ARHGAP26: variants seen among roughly 807,000 people sequenced by gnomAD.
ARHGAP26 encodes rho GTPase-activating protein 26.
ARHGAP26 carries 38 observed loss-of-function variants against 104.8 expected under a neutral mutation model. That is an observed-to-expected ratio of 0.36 (90% CI 0.28 to 0.48). ARHGAP26 has a LOEUF of 0.48. Ranked by LOEUF, ARHGAP26 falls within the 20% of genes least tolerant of loss-of-function variation. ARHGAP26 has a pLI of 0.99. For synonymous variants in ARHGAP26, 341 were observed against 340.0 expected, an observed-to-expected ratio of 1.00 and a Z score of -0.03; for missense variants, 704 against 947.9, an observed-to-expected ratio of 0.74 and a Z score of 3.38.
At chr5:143,106,146 A>T (rs778007254) in intron 17 of ARHGAP26, among the ~76,000 whole-genome samples, 1 of 152,330 alleles carries the variant, frequency 6.6e-6, no homozygotes. Flanking sequence ...ATCCAGCTAA[A>T]TGCTGGTACA....
chr5:142,850,701 T>G (rs145189705), intron 1 of ARHGAP26, among the ~76,000 whole-genome samples: 207 of 152,340 alleles, frequency 1.4e-3, no homozygotes, highest in Non-Finnish European at 2.5e-3. Flanking sequence ...GGTCCTCTAT[T>G]AGTCCTATTT....
At chr5:143,093,986 GC>G (rs1231450143) in intron 17 of ARHGAP26, among the ~76,000 whole-genome samples, 2 of 151,824 alleles carry the variant, frequency 1.3e-5, no homozygotes, top group African/African-American at 4.8e-5. Flanking sequence ...GAAGTTCAAC[GC>G]CCCCCCATGG....
intron 17 of ARHGAP26, among the ~76,000 whole-genome samples, chr5:143,059,400 G>C (rs753661703): frequency 6.6e-6 from 1 of 152,144 alleles, no homozygotes; most frequent in Non-Finnish European, 1.5e-5. Context: ...CCAGTGTTGC[G>C]TTTTTCCTAC....
chr5:143,197,068 C>A (rs1389847713), intron 20 of ARHGAP26, among the ~76,000 whole-genome samples: 6 of 152,188 alleles, frequency 3.9e-5, no homozygotes, highest in African/African-American at 1.4e-4. Context: ...ATTTTCATTG[C>A]TGTAGAGTGC....
intron 17 of ARHGAP26, among the ~76,000 whole-genome samples, chr5:143,091,264 T>C (rs1427924968): frequency 6.6e-6 from 1 of 152,196 alleles, no homozygotes; most frequent in Non-Finnish European, 1.5e-5. Context: ...CTTCCCAGGC[T>C]GGCTTGAGTT....
rs1180893952 is a variant in ARHGAP26, at chr5:143,206,431, AC to A, written c.1989-766del. Among the ~76,000 whole-genome samples, 6 of 152,318 alleles carry A rather than the reference AC, an allele frequency of 3.9e-5. No homozygotes were observed. In the East Asian group the frequency reaches 1.2e-3, roughly 29 times the overall value. ...AGTAATTTCAACCTTTCCTCTCCAA[AC>A]TTTTGATTAGCTACCCGTCAAGGAA... On this transcript the variant is annotated intron_variant, in intron 20 of 22. Transcript: ENST00000645722.
chr5:143,090,252 A>G (rs931094065), intron 17 of ARHGAP26, among the ~76,000 whole-genome samples: 1 of 152,240 alleles, frequency 6.6e-6, no homozygotes, highest in Admixed American at 6.5e-5. Flanking sequence ...CATGCAGCCC[A>G]TGCCCGGTTG....
intron 1 of ARHGAP26, among the ~76,000 whole-genome samples, chr5:142,829,006 T>C (rs529071997): frequency 1.3e-5 from 2 of 152,356 alleles, no homozygotes; most frequent in African/African-American, 2.4e-5. Flanking sequence ...TGGTGTGTTA[T>C]TGGAAGTTAG....
At chr5:142,913,109 T>C (rs1472700088) in intron 9 of ARHGAP26, 90 bp from the exon 10 acceptor site, 1 of 1,101,186 alleles carries the variant, frequency 9.1e-7, no homozygotes, top group Non-Finnish European at 1.4e-6. Flanking sequence ...GAAGATGAAA[T>C]GATTGCTCCT....
intron 12 of ARHGAP26, among the ~76,000 whole-genome samples, chr5:143,033,808 A>G (rs1782230197): frequency 6.6e-6 from 1 of 152,200 alleles, no homozygotes; most frequent in Non-Finnish European, 1.5e-5. Flanking sequence ...TCTCATTGCT[A>G]TGAAAAGATG....
At chr5:143,154,434 T>C (rs576972492) in intron 20 of ARHGAP26, among the ~76,000 whole-genome samples, 1 of 152,356 alleles carries the variant, frequency 6.6e-6, no homozygotes, top group Non-Finnish European at 1.5e-5. Flanking sequence ...CGTATTTTAG[T>C]ACTGTGTATG....
chr5:142,791,116 G>C (rs188405918), intron 1 of ARHGAP26, among the ~76,000 whole-genome samples: 6 of 144,840 alleles, frequency 4.1e-5, no homozygotes, highest in Admixed American at 6.9e-5. Flanking sequence ...GTCTCGCTCT[G>C]TTGCCAGGCT....
At chr5:142,903,390 T>C (rs1481309298) in intron 7 of ARHGAP26, 150 bp from the exon 8 acceptor site, 1 of 763,910 alleles carries the variant, frequency 1.3e-6, no homozygotes, top group African/African-American at 1.8e-5. Flanking sequence ...AAGGCCAAAG[T>C]ATACTTGTCA....
At chr5:143,006,762 A>G (rs1778029819) in intron 11 of ARHGAP26, among the ~76,000 whole-genome samples, 1 of 151,892 alleles carries the variant, frequency 6.6e-6, no homozygotes, top group Admixed American at 6.6e-5. Context: ...ATCCTTATTT[A>G]CTCCAGGCTA....
intron 11 of ARHGAP26, among the ~76,000 whole-genome samples, chr5:142,960,581 C>T (rs1042793698): frequency 2.6e-5 from 4 of 152,202 alleles, no homozygotes; most frequent in African/African-American, 9.7e-5. Flanking sequence ...AGGTTTCAGG[C>T]ATCTACTGGC....
chr5:142,814,264 G>A (rs377038692), intron 1 of ARHGAP26, among the ~76,000 whole-genome samples: 1 of 152,198 alleles, frequency 6.6e-6, no homozygotes, highest in African/African-American at 2.4e-5. Context: ...AGAGCCTTCC[G>A]GTAATCTGCA....
rs1809924166 is a variant in ARHGAP26, at chr5:143,213,979, A to G, written c.2100-18A>G. The G allele has an allele frequency of 1.3e-6, 2 of 1,524,052 alleles. No individual in the cohort carries two copies. The highest frequency in any genetic ancestry group is 1.4e-5 in the African/African-American group (1 of 73,516). The allele number at this position is 1,524,052 out of a possible 1,614,324, so 94.4% of individuals were successfully genotyped here. On this transcript the variant is annotated intron_variant, in intron 21 of 22. Transcript: ENST00000645722. ...GGGTTTTTTCAAAAATGTTAAATAA[A>G]CTCCTGTTTTCACACAGCACACCGT...
At chr5:142,898,422 A>G (rs1037536851) in intron 6 of ARHGAP26, among the ~76,000 whole-genome samples, 1 of 152,148 alleles carries the variant, frequency 6.6e-6, no homozygotes, top group Non-Finnish European at 1.5e-5. Flanking sequence ...CTCATTCTCC[A>G]TGTTCATTAG....
intron 6 of ARHGAP26, among the ~76,000 whole-genome samples, chr5:142,898,136 T>C (rs1477091066): frequency 6.6e-6 from 1 of 151,378 alleles, no homozygotes; most frequent in Non-Finnish European, 1.5e-5. Flanking sequence ...TCAGATCTTT[T>C]GGGATATATA....
Sources: allele counts gnomAD v4.1 joint callset (sites outside exome capture counted in the v4.1 genomes callset), GRCh38; gene constraint gnomAD v4.1.1; transcripts MANE v1.5; gene names NCBI Gene and HGNC (gene_info 2026-07-23, HGNC 2026-07-21).